Variants in ASB11 observed in about 807,000 individuals in gnomAD.
ASB11 encodes the protein ankyrin repeat and SOCS box protein 11.
A neutral mutation model predicts 20.1 loss-of-function variants in ASB11; 17 were observed. The ratio of observed to expected loss-of-function variants is 0.85; its 90% CI spans 0.58 to 1.27. The LOEUF (loss-of-function observed/expected upper bound fraction) is 1.27. Among genes scored for constraint, ASB11 ranks in the 50% most tolerant of loss-of-function variants. The pLI is 0.00. For missense variants in ASB11, 259 were observed against 256.9 expected, an observed-to-expected ratio of 1.01 and a Z score of -0.06; for synonymous variants, 107 against 105.6, an observed-to-expected ratio of 1.01 and a Z score of -0.08.
chrX:15,297,547 A>G lies in ASB11; in HGVS notation c.369+27T>C, dbSNP rs761123090. 5 of 1,106,028 alleles carry G rather than the reference A, an allele frequency of 4.5e-6. No homozygotes were observed. In the African/African-American group the frequency reaches 9.4e-5, roughly 21 times the overall value. 91.1% of individuals were successfully genotyped at this position (1,106,028 alleles called of 1,213,427 possible). A position where few individuals can be genotyped will look rare whatever the true frequency, so the allele number is the denominator to read the frequency against. ...TTAACAGATGCATCTGGCCAGACAGACCCAAGTGGGCAGGGGCAGTACTCA... is the reference window on the plus strand; with the variant it reads ...TTAACAGATGCATCTGGCCAGACAGGCCCAAGTGGGCAGGGGCAGTACTCA... On this transcript the variant is annotated intron_variant, in intron 3 of 6. Transcript: ENST00000480796.
intron 2 of ASB11, among the ~76,000 whole-genome samples, chrX:15,302,382 CTT>C (rs747964838): frequency 2.7e-5 from 3 of 112,461 alleles, no homozygotes; most frequent in Non-Finnish European, 5.6e-5. Flanking sequence ...AGCTGACTAA[CTT>C]AGCTTCAGGA....
chrX:15,287,831 G>A, intron 6 of ASB11, 50 bp downstream of exon 6: 1 of 1,124,021 alleles, frequency 8.9e-7, no homozygotes, highest in East Asian at 3.1e-5. Flanking sequence ...AGACAGGAAG[G>A]GGAGAGAATG....
At position 15,282,358 on chromosome X, in the gene ASB11, G is replaced by A. The variant is rs985659887; in HGVS notation, c.*1147C>T. The A allele has an allele frequency of 1.8e-5, 2 of 111,368 alleles. No individual in the cohort carries two copies. Among genetic ancestry groups the A allele is most frequent in the African/African-American group, 6.5e-5 (2 of 30,620 alleles). 9.2% of individuals were successfully genotyped at this position (111,368 alleles called of 1,213,427 possible). A position where few individuals can be genotyped will look rare whatever the true frequency, so the allele number is the denominator to read the frequency against. On this transcript the variant is annotated 3_prime_UTR_variant, in exon 7 of 7. Transcript: ENST00000480796. ...AAAGAGAAAGAATAGAGGAAGAGGA[G>A]GGGTGACAGAAGGAGAGAGAAATGA...
chrX:15,306,434 C>T (rs1403156474), intron 1 of ASB11, among the ~76,000 whole-genome samples: 1 of 111,926 alleles, frequency 8.9e-6, no homozygotes, highest in Non-Finnish European at 1.9e-5. Flanking sequence ...AGGCCGGGTG[C>T]AGTGGCTCAC....
At position 15,302,751 on chromosome X, in the gene ASB11, C is replaced by A. The variant is rs1305709727; in HGVS notation, c.238G>T (p.Ala80Ser). ...ACTTGTGCAATTAAAGTTTTAAGGGCCAGTAAGCGCCCCTGAGCTGCAGCT... is the reference window on the plus strand; with the variant it reads ...ACTTGTGCAATTAAAGTTTTAAGGGACAGTAAGCGCCCCTGAGCTGCAGCT... ...HEAAAQGRLL[A>S]LKTLIAQGVN... Residue 80 changes from alanine to serine, a missense_variant, in exon 2 of 7, where the codon GCC becomes TCC. Coordinates refer to ENST00000480796, the MANE Select transcript of ASB11 (RefSeq NM_080873.3). 8.3e-7 allele frequency: 1 copy of A among 1,209,485 alleles called. No individual in the cohort carries two copies. The highest frequency in any genetic ancestry group is 2.2e-5 in the Admixed American group (1 of 45,965).
intron 3 of ASB11, 125 bp from the exon 4 acceptor site, chrX:15,293,445 A>G: frequency 1.3e-6 from 1 of 784,432 alleles, no homozygotes; most frequent in Non-Finnish European, 1.8e-6. Flanking sequence ...GGAACTCCAC[A>G]TCTTTACAGT....
At chrX:15,307,569 C>G (rs1921284984) in intron 1 of ASB11, among the ~76,000 whole-genome samples, 1 of 112,346 alleles carries the variant, frequency 8.9e-6, no homozygotes, top group African/African-American at 3.2e-5. Context: ...TAATGTCCCT[C>G]ACCTGCCGCT....
chrX:15,312,417 C>CAA (rs1231680554), intron 1 of ASB11, among the ~76,000 whole-genome samples: 3,155 of 23,593 alleles, frequency 0.13, 265 homozygotes, highest in African/African-American at 0.27. Flanking sequence ...GCCCACTGCA[C>CAA]AAAAAAAAAA....
intron 6 of ASB11, among the ~76,000 whole-genome samples, chrX:15,285,405 C>G (rs1927354886): frequency 9.1e-6 from 1 of 109,667 alleles, no homozygotes; most frequent in Non-Finnish European, 1.9e-5. Context: ...TCCCAAAGTG[C>G]TGGGATTACA....
At chrX:15,296,816 T>C (rs951764701) in intron 3 of ASB11, among the ~76,000 whole-genome samples, 4 of 111,694 alleles carry the variant, frequency 3.6e-5, no homozygotes, top group African/African-American at 1.3e-4. Context: ...TGGAGGTTCA[T>C]CAGAAAACTA....
Position 15,285,260 on chromosome X carries a change from C to T in ASB11, c.848-1631G>A, listed in dbSNP as rs1454852094. 8.3e-5 allele frequency among the ~76,000 whole-genome samples: 9 copies of T among 108,407 alleles called. No individual in the cohort carries two copies. In the Admixed American group the frequency reaches 8.9e-4, roughly 11 times the overall value. 94.1% of individuals were successfully genotyped at this position (108,407 alleles called of 115,157 possible). A position where few individuals can be genotyped will look rare whatever the true frequency, so the allele number is the denominator to read the frequency against. On this transcript the variant is annotated intron_variant, in intron 6 of 6. Coordinates refer to ENST00000480796, the MANE Select transcript of ASB11 (RefSeq NM_080873.3). ...GGGTTTAGGCAGTTCTCTGCCTCAGCCTCCCGGGTAGGTGGGATTACAGGC... is the reference window on the plus strand; with the variant it reads ...GGGTTTAGGCAGTTCTCTGCCTCAGTCTCCCGGGTAGGTGGGATTACAGGC...
Position 15,315,561 on chromosome X carries a change from A to T in ASB11, c.45T>A (p.Ile15=), listed in dbSNP as rs764088043. Residue 15 remains isoleucine, a synonymous_variant, in exon 1 of 7, where the codon ATT becomes ATA. Coordinates refer to ENST00000480796, the MANE Select transcript of ASB11 (RefSeq NM_080873.3). ...PVFYGFKNIF[I]TMFATFFFFK... ...AGAAAAAAAACGTAGCAAACATTGT[A>T]ATAAAAATGTTTTTAAAGCCATAGA... is the stretch of plus-strand genomic sequence containing the variant. The T allele has an allele frequency of 1.1e-5, 13 of 1,191,679 alleles. No homozygotes were observed. The Admixed American group carries it at 1.9e-4, about 17-fold the overall frequency.
chrX:15,296,887 A>G (rs780298820), intron 3 of ASB11, among the ~76,000 whole-genome samples: 41 of 112,503 alleles, frequency 3.6e-4, no homozygotes, highest in Non-Finnish European at 5.1e-4. Flanking sequence ...AGAAGAAAGG[A>G]AAACAGTATA....
intron 4 of ASB11, 127 bp from the exon 5 acceptor site, chrX:15,289,765 T>G: frequency 1.3e-6 from 1 of 787,189 alleles, no homozygotes; most frequent in Non-Finnish European, 1.8e-6. Context: ...GGCTCACGCC[T>G]GTAATCTCAG....
intron 1 of ASB11, among the ~76,000 whole-genome samples, chrX:15,307,471 C>T (rs1921280888): frequency 8.9e-6 from 1 of 112,257 alleles, no homozygotes; most frequent in Non-Finnish European, 1.9e-5. Flanking sequence ...TAATCTAGGT[C>T]CCTTGCATGT....
chrX:15,288,103 C>T, intron 5 of ASB11, 31 bp from the exon 6 acceptor site: 2 of 1,172,746 alleles, frequency 1.7e-6, no homozygotes, highest in Non-Finnish European at 2.3e-6. Context: ...CAATTCAACA[C>T]TAAATGTAAT....
chrX:15,286,432 T>C, intron 6 of ASB11, among the ~76,000 whole-genome samples: 1 of 109,593 alleles, frequency 9.1e-6, no homozygotes, highest in African/African-American at 3.3e-5. Context: ...TTTGGAAGGC[T>C]GAGGCGGGCG....
At chrX:15,288,309 A>G (rs1454956335) in intron 5 of ASB11, among the ~76,000 whole-genome samples, 2 of 112,164 alleles carry the variant, frequency 1.8e-5, no homozygotes, top group Non-Finnish European at 3.8e-5. Context: ...GCTTTCCCGT[A>G]TAAACTGTGT....
intron 1 of ASB11, among the ~76,000 whole-genome samples, chrX:15,309,666 C>A (rs1262516324): frequency 2.7e-5 from 3 of 109,880 alleles, no homozygotes; most frequent in African/African-American, 9.9e-5. Flanking sequence ...AATTGTACCA[C>A]CCTAAAAGTA....
Sources: allele counts gnomAD v4.1 joint callset (sites outside exome capture counted in the v4.1 genomes callset), GRCh38; gene constraint gnomAD v4.1.1; transcripts MANE v1.5; gene names NCBI Gene and HGNC (gene_info 2026-07-23, HGNC 2026-07-21).